MATN4: variants seen among roughly 807,000 people sequenced by gnomAD.
The protein encoded by MATN4 is matrilin 4, also known as matrilin-4.
Under a neutral mutation model 54.6 loss-of-function variants are expected in MATN4, and 40 were observed. The observed-to-expected ratio is 0.73, with a 90% CI of 0.57 to 0.95. MATN4 has a LOEUF of 0.95. Among genes scored for constraint, MATN4 ranks in the 40% least tolerant of loss-of-function variants. The pLI, the probability that MATN4 is intolerant of heterozygous loss-of-function variation, is 0.00. For missense variants in MATN4, 810 were observed against 819.1 expected, an observed-to-expected ratio of 0.99 and a Z score of 0.13; for synonymous variants, 351 against 345.3, an observed-to-expected ratio of 1.02 and a Z score of -0.18.
chr20:45,301,269 C>T (rs1447717596), intron 4 of MATN4, 45 bp from the exon 5 acceptor site: 1 of 1,613,584 alleles, frequency 6.2e-7, no homozygotes, highest in African/African-American at 1.3e-5. Flanking sequence ...CTGATTGGAG[C>T]CCTCGGAGGC....
intron 8 of MATN4, among the ~76,000 whole-genome samples, chr20:45,296,671 C>T (rs892951072): frequency 2.0e-5 from 3 of 152,016 alleles, no homozygotes; most frequent in African/African-American, 4.8e-5. Context: ...CCATAAGAGT[C>T]ACATAGGAAG....
In MATN4 at chr20:45,298,264, G is replaced by C; in HGVS notation, c.1332C>G (p.Pro444=). The change falls in exon 7 of 10, where the codon CCC becomes CCG. Residue 444 remains proline (P), a synonymous_variant. Transcript: ENST00000372756. The surrounding 1 kb of genome is among the most constrained non-coding windows in gnomAD (Gnocchi z 4.6). ...CAACACGAGGCACGTTAAGGGCACG[G>C]GGCCGTGCACCCTGCGCCTCGGAGA... ...HSFSEAQGAR[P]RALNVPRVGL... The C allele has an allele frequency of 6.2e-7, 1 of 1,613,256 alleles. No individual in the cohort carries two copies. The highest frequency in any genetic ancestry group is 8.5e-7 in the Non-Finnish European group (1 of 1,179,754).
chr20:45,308,170 C>G lies in MATN4; in HGVS notation c.-35+5G>C. 6.2e-7 allele frequency: 1 copy of G among 1,613,986 alleles called. No homozygotes were observed. Among genetic ancestry groups the G allele is most frequent in the Non-Finnish European group, 8.5e-7 (1 of 1,179,826 alleles). On this transcript the variant is annotated splice_donor_5th_base_variant and intron_variant, in intron 1 of 9. Coordinates refer to ENST00000372756, the MANE Select transcript of MATN4 (RefSeq NM_001393530.1). ...CCCTCAGTGCCTCCCAATCCTTTGA[C>G]TCACCTGAGCCTGCAGGACAGATCA...
chr20:45,293,647 C>T lies in MATN4; in HGVS notation c.*120G>A. The T allele has an allele frequency of 3.2e-6, 3 of 938,920 alleles. No individual in the cohort carries two copies. The highest frequency in any genetic ancestry group is 1.8e-5 in the African/African-American group (1 of 56,814). The allele number at this position is 938,920 out of a possible 1,614,324, so 58.2% of individuals were successfully genotyped here. ...AATGCCGGAAGCCCGCCAGCGCCTC[C>T]GCCCCGACAGCCCAAGCCGGACGGG... is the stretch of plus-strand genomic sequence containing the variant. On this transcript the variant is annotated 3_prime_UTR_variant, in exon 10 of 10. Transcript: ENST00000372756.
At chr20:45,302,792 G>A (rs970528527) in intron 3 of MATN4, among the ~76,000 whole-genome samples, 3 of 150,932 alleles carry the variant, frequency 2.0e-5, no homozygotes, top group Admixed American at 1.3e-4. Flanking sequence ...CCTGTAAGAA[G>A]ACAGAAATGG....
chr20:45,308,076 G>A, intron 1 of MATN4, 99 bp downstream of exon 1: 1 of 1,128,402 alleles, frequency 8.9e-7, no homozygotes, highest in Non-Finnish European at 1.3e-6. Context: ...ATCAGATAGG[G>A]CACCCTAGGC....
Position 45,304,703 on chromosome 20 carries a change from G to T in MATN4, c.168C>A (p.Phe56Leu). Reference protein sequence around the residue: ...RPFEFETMRQFLMGLLRGLNV... With the variant: ...RPFEFETMRQLLMGLLRGLNV... ...TCAGGCCTCGGAGGAGGCCCATGAGGAACTGCCGCATGGTCTCGAACTCGA... is the reference window on the plus strand; with the variant it reads ...TCAGGCCTCGGAGGAGGCCCATGAGTAACTGCCGCATGGTCTCGAACTCGA... Residue 56 changes from phenylalanine (F) to leucine (L), a missense_variant, in exon 3 of 10, where the codon TTC (phenylalanine) becomes TTA (leucine). Phe to Leu is a conservative substitution (Grantham distance 22). Coordinates refer to ENST00000372756, the MANE Select transcript of MATN4 (RefSeq NM_001393530.1). 1.2e-6 allele frequency: 2 copies of T among 1,612,616 alleles called. No homozygotes were observed. Among genetic ancestry groups the T allele is most frequent in the Non-Finnish European group, 1.7e-6 (2 of 1,179,192 alleles).
rs1330770018 is a variant in MATN4, at chr20:45,304,343, C to G, written c.528G>C (p.Ala176=). ...IEIYAVGVQR[A]DVGSLRAMAS... ...CCATGGCGCGCAGGGAGCCCACGTC[C>G]GCGCGCTGCACCCCCACCGCGTAAA... The change falls in exon 3 of 10, where the codon GCG becomes GCC. Residue 176 remains alanine (A), a synonymous_variant. Coordinates refer to ENST00000372756, the MANE Select transcript of MATN4 (RefSeq NM_001393530.1). 1 of 1,508,774 alleles carries G rather than the reference C, an allele frequency of 6.6e-7. No homozygotes were observed. Among genetic ancestry groups the G allele is most frequent in the South Asian group, 1.3e-5 (1 of 75,184 alleles). The allele number at this position is 1,508,774 out of a possible 1,614,324, so 93.5% of individuals were successfully genotyped here.
chr20:45,295,434 C>A (rs1985749164), intron 8 of MATN4, among the ~76,000 whole-genome samples: 1 of 152,222 alleles, frequency 6.6e-6, no homozygotes, highest in Non-Finnish European at 1.5e-5. Context: ...GTCTCCCAGG[C>A]TGGAGTGCAG....
Position 45,304,481 on chromosome 20 carries a change from G to A in MATN4, c.390C>T (p.Gly130=). ...AMNVAFSVAE[G]ARPPEERVPR... is the part of the protein sequence containing the mutation. ...GCACGCGCTCCTCTGGCGGTCGCGC[G>A]CCCTCGGCCACACTGAAGGCCACGT... is the stretch of plus-strand genomic sequence containing the variant. Residue 130 remains glycine, a synonymous_variant, in exon 3 of 10, where the codon GGC becomes GGT. Coordinates refer to ENST00000372756, the MANE Select transcript of MATN4 (RefSeq NM_001393530.1). 1.9e-6 allele frequency: 3 copies of A among 1,570,666 alleles called. No homozygotes were observed. The highest frequency in any genetic ancestry group is 1.7e-4 in the Middle Eastern group (1 of 5,786).
rs1421454649 is a variant in MATN4, at chr20:45,301,029, A to G, written c.890-20T>C. On this transcript the variant is annotated intron_variant, in intron 5 of 9. Coordinates refer to ENST00000372756, the MANE Select transcript of MATN4 (RefSeq NM_001393530.1). ...CCCGGACTGAAAGGAGAGACAGGTC[A>G]GGATGAGTCAGGATGGACCCCACCA... The G allele has an allele frequency of 6.2e-7, 1 of 1,614,098 alleles. No homozygotes were observed. Among genetic ancestry groups the G allele is most frequent in the East Asian group, 2.2e-5 (1 of 44,878 alleles).
At chr20:45,297,602 C>T (rs1985924023) in intron 8 of MATN4, among the ~76,000 whole-genome samples, 1 of 152,136 alleles carries the variant, frequency 6.6e-6, no homozygotes, top group Non-Finnish European at 1.5e-5. Flanking sequence ...TCTGAACCTC[C>T]ACTGATTTGG....
rs1276798493 is a variant in MATN4, at chr20:45,298,414, G to T, written c.1182C>A (p.Arg394=). The T allele has an allele frequency of 6.2e-7, 1 of 1,613,068 alleles. No homozygotes were observed. Among genetic ancestry groups the T allele is most frequent in the South Asian group, 1.1e-5 (1 of 90,992 alleles). Residue 394 remains arginine (R), a synonymous_variant, in exon 7 of 10, where the codon CGC becomes CGA. Transcript: ENST00000372756. The surrounding 1 kb of genome is among the most constrained non-coding windows in gnomAD (Gnocchi z 4.6). The part of the protein sequence containing the change: ...VGLVQFSSRV[R]TEFPLGRYGT... Reference sequence around the variant, plus strand: ...CGTAGCGACCCAGAGGGAACTCGGTGCGCACGCGGCTCGAGAACTGCACCA... The same window carrying T: ...CGTAGCGACCCAGAGGGAACTCGGTTCGCACGCGGCTCGAGAACTGCACCA...
intron 6 of MATN4, 59 bp downstream of exon 6, chr20:45,300,828 A>T (rs1986173406): frequency 6.3e-7 from 1 of 1,599,110 alleles, no homozygotes; most frequent in East Asian, 2.2e-5. Flanking sequence ...AGTCAAGGAC[A>T]CTCCAAATGT....
Position 45,298,208 on chromosome 20 carries a change from T to C in MATN4, c.1388A>G (p.Asp463Gly), listed in dbSNP as rs1197774659. ...GCGCGCTGCCCACACCGAGATGTCATCCTGGGAGCGGCCATCCGTGAAGAC... is the reference window on the plus strand; with the variant it reads ...GCGCGCTGCCCACACCGAGATGTCACCCTGGGAGCGGCCATCCGTGAAGAC... Reference protein sequence around the residue: ...GLVFTDGRSQDDISVWAARAK... With the variant: ...GLVFTDGRSQGDISVWAARAK... Residue 463 changes from aspartate to glycine, a missense_variant, in exon 7 of 10, where the codon GAT becomes GGT. By Grantham distance (94) the Asp-to-Gly change is moderately conservative. Transcript: ENST00000372756. The surrounding 1 kb of genome is among the most constrained non-coding windows in gnomAD (Gnocchi z 4.6). The C allele has an allele frequency of 6.2e-7, 1 of 1,603,690 alleles. No homozygotes were observed. The highest frequency in any genetic ancestry group is 8.5e-7 in the Non-Finnish European group (1 of 1,172,526).
Position 45,297,977 on chromosome 20 carries a change from G to A in MATN4, c.1520C>T (p.Ala507Val). Residue 507 changes from alanine to valine, a missense_variant, in exon 8 of 10, where the codon GCC becomes GTC. By Grantham distance (64) the Ala-to-Val change is moderately conservative (BLOSUM62 0). Transcript: ENST00000372756. ...GTGCGTCATGGTGCCGAAGTCCGGG[G>A]CATAGGACACGTGCAGTTCCGCTGG... The part of the protein sequence containing the change: ...SEPAELHVSY[A>V]PDFGTMTHLL... The A allele has an allele frequency of 3.1e-6, 5 of 1,614,122 alleles. No individual in the cohort carries two copies. The highest frequency in any genetic ancestry group is 4.2e-6 in the Non-Finnish European group (5 of 1,180,030).
In MATN4 at chr20:45,301,134, T is replaced by C; in HGVS notation, c.857A>G (p.His286Arg). The C allele has an allele frequency of 6.2e-7, 1 of 1,614,212 alleles. No homozygotes were observed. Among genetic ancestry groups the C allele is most frequent in the Non-Finnish European group, 8.5e-7 (1 of 1,180,034 alleles). Residue 286 changes from histidine (H) to arginine (R), a missense_variant, in exon 5 of 10, where the codon CAT (histidine) becomes CGT (arginine). Physicochemically the swap from His to Arg is conservative, Grantham distance 29 (BLOSUM62 0). Transcript: ENST00000372756. ...GGPRCHCREG[H>R]DLQPDGRSCQ... is the part of the protein sequence containing the mutation. The stretch of plus-strand genomic sequence containing the variant: ...GCTCCTCCCATCAGGCTGCAAGTCA[T>C]GGCCCTCTCTGCAGTGGCACCGTGG...
intron 8 of MATN4, among the ~76,000 whole-genome samples, chr20:45,297,181 C>G (rs1015487943): frequency 2.6e-5 from 4 of 151,402 alleles, no homozygotes; most frequent in Non-Finnish European, 5.9e-5. Flanking sequence ...CAGACCCAAA[C>G]CAGCCCTACT....
Position 45,293,750 on chromosome 20 carries a change from T to C in MATN4, c.*17A>G. On this transcript the variant is annotated 3_prime_UTR_variant, in exon 10 of 10. Transcript: ENST00000372756. ...GTGGTGCCGCGCCCCAGCCCGGGTC[T>C]GGGCCGTCCGTGGCCCTCACTTCTG... 6.2e-7 allele frequency: 1 copy of C among 1,600,554 alleles called. No homozygotes were observed. The highest frequency in any genetic ancestry group is 8.5e-7 in the Non-Finnish European group (1 of 1,177,586).
Sources: allele counts gnomAD v4.1 joint callset (sites outside exome capture counted in the v4.1 genomes callset), GRCh38; gene constraint gnomAD v4.1.1; non-coding constraint Gnocchi (gnomAD v3.1); transcripts MANE v1.5; gene names NCBI Gene and HGNC (gene_info 2026-07-23, HGNC 2026-07-21).